ASIC2: variants seen among roughly 807,000 people sequenced by gnomAD.
The protein encoded by ASIC2 is acid-sensing ion channel 2.
Under a neutral mutation model 57.3 loss-of-function variants are expected in ASIC2, and 25 were observed. The observed-to-expected ratio is 0.44, with a 90% confidence interval of 0.32 to 0.61. ASIC2 has a LOEUF of 0.61. ASIC2 is among the 20% of genes least tolerant of loss of function. The probability of loss-of-function intolerance (pLI) is 0.06; values close to 1 mark genes in which losing one functional copy is unlikely to be tolerated. For missense variants in ASIC2, 641 were observed against 738.1 expected (o/e 0.87, Z 1.52); for synonymous variants, 319 against 307.5 (o/e 1.04, Z -0.39).
intron 1 of ASIC2, among the ~76,000 whole-genome samples, chr17:33,728,243 GC>G (rs1909626052): frequency 6.6e-6 from 1 of 152,064 alleles, no homozygotes; most frequent in Non-Finnish European, 1.5e-5. Flanking sequence ...GGCTCCAGGG[GC>G]CCAAAGCCAA....
chr17:33,169,025 G>A (rs1388622538), intron 1 of ASIC2, among the ~76,000 whole-genome samples: 1 of 152,174 alleles, frequency 6.6e-6, no homozygotes, highest in Non-Finnish European at 1.5e-5. Flanking sequence ...AGCTCTAGGA[G>A]AGCAGAATGG....
chr17:33,669,714 CATT>C (rs1907585938), intron 1 of ASIC2, among the ~76,000 whole-genome samples: 1 of 152,156 alleles, frequency 6.6e-6, no homozygotes, highest in South Asian at 2.1e-4. Flanking sequence ...GCGATGAAAA[CATT>C]AAACAAATGC....
At chr17:33,446,600 G>A (rs905750) in intron 1 of ASIC2, among the ~76,000 whole-genome samples, 111,697 of 151,828 alleles carry the variant, frequency 0.74, 41,603 homozygotes, top group Middle Eastern at 0.79. Context: ...CTTCTCCCAC[G>A]TGGAGAAGAA....
intron 1 of ASIC2, among the ~76,000 whole-genome samples, chr17:33,548,239 TA>T (rs1004007731): frequency 6.6e-6 from 1 of 152,176 alleles, no homozygotes; most frequent in African/African-American, 2.4e-5. Flanking sequence ...ATTGGATTAT[TA>T]AAAGGATTTA....
intron 1 of ASIC2, chr17:33,932,741 A>AAAAATATATATATATATAT (rs1555572867): frequency 9.7e-4 from 57 of 58,542 alleles, no homozygotes; most frequent in Non-Finnish European, 1.5e-3. Context: ...AAAAAAAAAA[A>AAAAATATATATATATATAT]ATATATATAT....
At chr17:33,364,006 G>A (rs1019410578) in intron 1 of ASIC2, among the ~76,000 whole-genome samples, 2 of 152,176 alleles carry the variant, frequency 1.3e-5, no homozygotes, top group Admixed American at 1.3e-4. Context: ...CTCAGAGCTG[G>A]AAGTGATCAC....
At position 33,218,433 on chromosome 17, in the gene ASIC2, T is replaced by C. The variant is rs188279479; in HGVS notation, c.708+72975A>G. Among the ~76,000 whole-genome samples the C allele has an allele frequency of 3.0e-4, 45 of 152,344 alleles. No individual in the cohort carries two copies. The East Asian group carries it at 8.1e-3, about 27-fold the overall frequency. ...ACATCGAGCCCAGTGCCCGGCACAG[T>C]GGAACTCAAAGTCTGTTGGGTGAAT... On this transcript the variant is annotated intron_variant, in intron 1 of 9. Transcript: ENST00000225823.
intron 1 of ASIC2, among the ~76,000 whole-genome samples, chr17:33,664,377 A>C (rs936651567): frequency 6.6e-6 from 1 of 152,142 alleles, no homozygotes; most frequent in Non-Finnish European, 1.5e-5. Flanking sequence ...CATGCCTCAC[A>C]ACTGATACTG....
intron 1 of ASIC2, among the ~76,000 whole-genome samples, chr17:34,109,029 GA>G (rs1303139518): frequency 1.6e-5 from 1 of 61,730 alleles, no homozygotes; most frequent in African/African-American, 4.5e-5. Context: ...TTTATTTGTT[GA>G]TTTATTTTAT....
chr17:33,045,274 T>C (rs2091948798), intron 3 of ASIC2, among the ~76,000 whole-genome samples: 1 of 152,160 alleles, frequency 6.6e-6, no homozygotes. Flanking sequence ...CTCCCCAACA[T>C]AAGAGCCGCC....
At chr17:33,518,860 A>G (rs1305677873) in intron 1 of ASIC2, among the ~76,000 whole-genome samples, 2 of 151,432 alleles carry the variant, frequency 1.3e-5, no homozygotes, top group African/African-American at 4.9e-5. Context: ...TCGCTCTGTC[A>G]CCCAGGCTGG....
chr17:33,482,437 C>CCTAA (rs1384366201), intron 1 of ASIC2, among the ~76,000 whole-genome samples: 1 of 152,250 alleles, frequency 6.6e-6, no homozygotes, highest in African/African-American at 2.4e-5. Context: ...GCTAACCAGG[C>CCTAA]CTAATCTTAG....
chr17:34,024,582 G>A (rs191028672), intron 1 of ASIC2, among the ~76,000 whole-genome samples: 4 of 152,336 alleles, frequency 2.6e-5, no homozygotes, highest in East Asian at 1.9e-4. Flanking sequence ...AGAAATGGCT[G>A]GAGTGGAGAA....
In ASIC2 at chr17:33,505,234, G is replaced by A. The variant is rs532679788; in HGVS notation, c.556-393167C>T. On this transcript the variant is annotated intron_variant, in intron 1 of 9. Coordinates refer to the ASIC2 transcript ENST00000359872. ...AGATTCCAGAGGGTCAGAGCAACAA[G>A]AGTGAGACCCAATCAGTGACTGGGA... 2.6e-5 allele frequency among the ~76,000 whole-genome samples: 4 copies of A among 152,144 alleles called. No homozygotes were observed. The East Asian group carries it at 7.7e-4, about 29-fold the overall frequency.
At chr17:33,652,855 A>C (rs186537918) in intron 1 of ASIC2, among the ~76,000 whole-genome samples, 1 of 152,362 alleles carries the variant, frequency 6.6e-6, no homozygotes, top group East Asian at 1.9e-4. Flanking sequence ...ACTGATGAAG[A>C]AATATGGTTT....
chr17:33,994,217 A>G (rs1427340632), intron 1 of ASIC2, among the ~76,000 whole-genome samples: 1 of 152,204 alleles, frequency 6.6e-6, no homozygotes, highest in Non-Finnish European at 1.5e-5. Flanking sequence ...ATATTGCTCA[A>G]TATGTGTCAG....
chr17:33,585,985 G>A (rs1904616420), intron 1 of ASIC2, among the ~76,000 whole-genome samples: 1 of 152,150 alleles, frequency 6.6e-6, no homozygotes, highest in Non-Finnish European at 1.5e-5. Context: ...GAAGAAGGAT[G>A]GCGGAGTGGT....
At chr17:33,176,536 C>CTCA (rs1338850115) in intron 1 of ASIC2, among the ~76,000 whole-genome samples, 4 of 152,108 alleles carry the variant, frequency 2.6e-5, no homozygotes, top group Non-Finnish European at 4.4e-5. Flanking sequence ...GAGATGGGGT[C>CTCA]TCACCACGTT....
intron 1 of ASIC2, among the ~76,000 whole-genome samples, chr17:33,158,858 A>G (rs1237288028): frequency 6.6e-6 from 1 of 152,254 alleles, no homozygotes; most frequent in Non-Finnish European, 1.5e-5. Flanking sequence ...TCTTGTAATT[A>G]AGTGAGGTGT....
Sources: allele counts gnomAD v4.1 joint callset (sites outside exome capture counted in the v4.1 genomes callset), GRCh38; gene constraint gnomAD v4.1.1; transcripts MANE v1.5; gene names NCBI Gene and HGNC (gene_info 2026-07-23, HGNC 2026-07-21).